SUSD3: variants seen among roughly 807,000 people sequenced by gnomAD.
SUSD3 encodes sushi domain containing 3, also known as sushi domain-containing protein 3.
SUSD3 carries 18 observed loss-of-function variants against 20.6 expected under a neutral mutation model. That is an observed-to-expected ratio of 0.87 (90% CI 0.60 to 1.30). The LOEUF is 1.30. Ranked by LOEUF, SUSD3 falls within the 50% of genes most tolerant of loss-of-function variation. SUSD3 has a pLI of 0.00. For synonymous variants in SUSD3, 137 were observed against 141.5 expected (o/e 0.97, Z 0.23); for missense variants, 306 against 346.9 (o/e 0.88, Z 0.94).
chr9:93,084,769 C>T lies in SUSD3; in HGVS notation c.*22C>T, dbSNP rs752960654. ...GTGACCACGCAGTGAGGCTGGTGCC[C>T]ATGCTCCACACTGGGAGGCCAGGCT... On this transcript the variant is annotated 3_prime_UTR_variant, in exon 5 of 5. Coordinates refer to ENST00000375472, the MANE Select transcript of SUSD3 (RefSeq NM_145006.4). 11 of 1,462,272 alleles carry T rather than the reference C, an allele frequency of 7.5e-6. No homozygotes were observed. The South Asian group carries it at 1.4e-4, about 19-fold the overall frequency. 90.6% of individuals were successfully genotyped at this position (1,462,272 alleles called of 1,614,324 possible). A position where few individuals can be genotyped will look rare whatever the true frequency, so the allele number is the denominator to read the frequency against.
chr9:93,079,407 G>A, intron 3 of SUSD3, 64 bp from the exon 4 acceptor site: 1 of 1,580,220 alleles, frequency 6.3e-7, no homozygotes, highest in Non-Finnish European at 8.6e-7. Flanking sequence ...CATGGAGCCT[G>A]TTTCCACCAC....
intron 1 of SUSD3, among the ~76,000 whole-genome samples, chr9:93,068,033 A>G (rs1166793803): frequency 6.6e-6 from 1 of 152,232 alleles, no homozygotes; most frequent in Non-Finnish European, 1.5e-5. Flanking sequence ...ATGTCTGTTC[A>G]GATCCTTTGG....
intron 2 of SUSD3, among the ~76,000 whole-genome samples, chr9:93,076,945 G>A (rs538269621): frequency 6.6e-6 from 1 of 152,228 alleles, no homozygotes; most frequent in African/African-American, 2.4e-5. Flanking sequence ...CTCAGGGAAG[G>A]TTCTTAGAAG....
At chr9:93,058,873 C>T in intron 1 of SUSD3, 43 bp downstream of exon 1, 1 of 1,174,976 alleles carries the variant, frequency 8.5e-7, no homozygotes. Context: ...GCTCTGCGCC[C>T]ATTTCACAGA....
intron 1 of SUSD3, among the ~76,000 whole-genome samples, chr9:93,070,105 T>C (rs57131039): frequency 6.6e-6 from 1 of 152,202 alleles, no homozygotes; most frequent in Non-Finnish European, 1.5e-5. Flanking sequence ...TTTTCTAACT[T>C]ACACATTTTG....
At chr9:93,075,735 T>TGGGGGGGGGGGGGGGGGGGGGGGGGGG in intron 1 of SUSD3, 49 bp from the exon 2 acceptor site, 2 of 247,428 alleles carry the variant, frequency 8.1e-6, no homozygotes. Flanking sequence ...CTGCCCTGCG[T>TGGGGGGGGGGGGGGGGGGGGGGGGGGG]GCCCACCCCC....
At position 93,075,781 on chromosome 9, in the gene SUSD3, C is replaced by T. The variant is rs928494955; in HGVS notation, c.89-3C>T. 1 of 1,545,040 alleles carries T rather than the reference C, an allele frequency of 6.5e-7. No individual in the cohort carries two copies. Among genetic ancestry groups the T allele is most frequent in the Non-Finnish European group, 8.8e-7 (1 of 1,138,564 alleles). ...CATGCCTCATACCTGCCTGTCTCCC[C>T]AGGCACGTGCGCTAAGCTGCGGCTA... On this transcript the variant is annotated splice_region_variant and splice_polypyrimidine_tract_variant and intron_variant, in intron 1 of 4. Coordinates refer to ENST00000375472, the MANE Select transcript of SUSD3 (RefSeq NM_145006.4).
chr9:93,078,082 C>T, intron 3 of SUSD3, 89 bp downstream of exon 3: 3 of 1,553,386 alleles, frequency 1.9e-6, no homozygotes, highest in Admixed American at 1.7e-5. Context: ...TCAAGGGAAC[C>T]CCGGCACTGC....
At chr9:93,078,614 C>T (rs890525308) in intron 3 of SUSD3, among the ~76,000 whole-genome samples, 3 of 152,186 alleles carry the variant, frequency 2.0e-5, no homozygotes, top group South Asian at 2.1e-4. Context: ...GCTGTGTTAA[C>T]GGCCTGCAGG....
In SUSD3 at chr9:93,078,164, C is replaced by T. The variant is rs546686398; in HGVS notation, c.425+171C>T. On this transcript the variant is annotated intron_variant, in intron 3 of 4. Transcript: ENST00000375472. ...CCCCCCAAGTGCTGCTCCCGGCCCA[C>T]GCAGCAGCCAGGGGCAGCATCACAG... Among the ~76,000 whole-genome samples the T allele has an allele frequency of 1.6e-4, 25 of 152,350 alleles. 1 individual carries two copies. In the South Asian group the frequency reaches 4.1e-3, roughly 25 times the overall value.
At chr9:93,077,104 T>C (rs1394384323) in intron 2 of SUSD3, among the ~76,000 whole-genome samples, 2 of 152,060 alleles carry the variant, frequency 1.3e-5, no homozygotes, top group African/African-American at 4.8e-5. Context: ...CGTGGGGGAG[T>C]AAACGGTGTT....
At chr9:93,068,926 A>G (rs1237225230) in intron 1 of SUSD3, among the ~76,000 whole-genome samples, 2 of 152,194 alleles carry the variant, frequency 1.3e-5, no homozygotes, top group South Asian at 2.1e-4. Flanking sequence ...TATAAATTGA[A>G]CAGAGTGAAA....
Position 93,077,878 on chromosome 9 carries a change from G to A in SUSD3, c.310G>A (p.Val104Met). The A allele has an allele frequency of 6.2e-7, 1 of 1,614,226 alleles. No individual in the cohort carries two copies. Among genetic ancestry groups the A allele is most frequent in the Non-Finnish European group, 8.5e-7 (1 of 1,180,038 alleles). Residue 104 changes from valine (V) to methionine (M), a missense_variant, in exon 3 of 5, where the codon GTG becomes ATG. Physicochemically the swap from Val to Met is conservative, Grantham distance 21 (BLOSUM62 1). Coordinates refer to ENST00000375472, the MANE Select transcript of SUSD3 (RefSeq NM_145006.4). ...VPPHETFGFK[V>M]AVIASIVSCA... ...ACCACACGAGACCTTTGGCTTCAAGGTGGCCGTGATCGCCTCCATTGTGAG... is the reference window on the plus strand; with the variant it reads ...ACCACACGAGACCTTTGGCTTCAAGATGGCCGTGATCGCCTCCATTGTGAG...
chr9:93,067,877 C>T (rs950053055), intron 1 of SUSD3, among the ~76,000 whole-genome samples: 11 of 152,200 alleles, frequency 7.2e-5, no homozygotes, highest in Admixed American at 3.3e-4. Context: ...GGATTACAGG[C>T]GTGAGCCACT....
chr9:93,064,884 C>G (rs1049458790), intron 1 of SUSD3, among the ~76,000 whole-genome samples: 1 of 152,226 alleles, frequency 6.6e-6, no homozygotes, highest in Non-Finnish European at 1.5e-5. Context: ...AACCCAGGTC[C>G]TCTGGCTCCA....
In SUSD3 at chr9:93,079,458, A is replaced by G. The variant is rs768208398; in HGVS notation, c.426-13A>G. ...TGCATGCTCAGAGTCCTTCCTCCCA[A>G]ACTCTCCTCCAGGTCAGCCCAGCTG... On this transcript the variant is annotated splice_polypyrimidine_tract_variant and intron_variant, in intron 3 of 4. Transcript: ENST00000375472. 1.9e-6 allele frequency: 3 copies of G among 1,613,354 alleles called. No homozygotes were observed. The highest frequency in any genetic ancestry group is 2.2e-5 in the East Asian group (1 of 44,860).
At chr9:93,075,736 G>GCACC in intron 1 of SUSD3, 48 bp from the exon 2 acceptor site, 1 of 272,216 alleles carries the variant, frequency 3.7e-6, no homozygotes, top group South Asian at 2.9e-5. Flanking sequence ...TGCCCTGCGT[G>GCACC]CCCACCCCCC....
At chr9:93,069,441 GTCT>G (rs1301263899) in intron 1 of SUSD3, among the ~76,000 whole-genome samples, 1 of 152,228 alleles carries the variant, frequency 6.6e-6, no homozygotes. Context: ...ACAATATTAA[GTCT>G]TCTGATCCAT....
At chr9:93,073,954 C>T (rs1826016127) in intron 1 of SUSD3, among the ~76,000 whole-genome samples, 1 of 152,134 alleles carries the variant, frequency 6.6e-6, no homozygotes, top group African/African-American at 2.4e-5. Context: ...AGACCCTCTG[C>T]CCAGTTTGCT....
Sources: allele counts gnomAD v4.1 joint callset (sites outside exome capture counted in the v4.1 genomes callset), GRCh38; gene constraint gnomAD v4.1.1; transcripts MANE v1.5; gene names NCBI Gene and HGNC (gene_info 2026-07-23, HGNC 2026-07-21).